The following ARFGEF1 variants were observed in gnomAD, a reference collection of about 807,000 sequenced individuals.
ARFGEF1 encodes the protein brefeldin A-inhibited guanine nucleotide-exchange protein 1.
ARFGEF1 carries 42 observed loss-of-function variants against 231.0 expected under a neutral mutation model. The observed-to-expected ratio is 0.18, with a 90% CI of 0.14 to 0.24. The LOEUF (loss-of-function observed/expected upper bound fraction) is 0.24. ARFGEF1 is among the 10% of genes least tolerant of loss of function. ARFGEF1 has a pLI of 1.00. For synonymous variants in ARFGEF1, 710 were observed against 732.3 expected (o/e 0.97, Z 0.49); for missense variants, 1,345 against 2,192.0 (o/e 0.61, Z 7.72).
intron 34 of ARFGEF1, among the ~76,000 whole-genome samples, chr8:67,205,409 CAA>C (rs548750611): frequency 6.6e-6 from 1 of 152,140 alleles, no homozygotes; most frequent in African/African-American, 2.4e-5. Context: ...TCAGGGAAGC[CAA>C]AAGACTGGAC....
chr8:67,302,594 A>T (rs1176908489), intron 1 of ARFGEF1, 128 bp from the exon 2 acceptor site: 1 of 552,184 alleles, frequency 1.8e-6, no homozygotes, highest in African/African-American at 1.9e-5. Flanking sequence ...TTTAATAAAA[A>T]TTAGATGCTA....
chr8:67,314,781 T>TGGC (rs1807228097), intron 1 of ARFGEF1, among the ~76,000 whole-genome samples: 2 of 151,978 alleles, frequency 1.3e-5, no homozygotes, highest in Non-Finnish European at 2.9e-5. Context: ...AGCTGCAATC[T>TGGC]AATCTGGCCT....
intron 5 of ARFGEF1, among the ~76,000 whole-genome samples, chr8:67,184,335 C>T (rs1273586882): frequency 6.6e-6 from 1 of 152,074 alleles, no homozygotes; most frequent in Non-Finnish European, 1.5e-5. Flanking sequence ...AAATTGAAAA[C>T]AGGAAATAAA....
intron 5 of ARFGEF1, among the ~76,000 whole-genome samples, chr8:67,181,113 C>T (rs1275653069): frequency 1.3e-5 from 2 of 152,006 alleles, no homozygotes; most frequent in Non-Finnish European, 2.9e-5. Context: ...TCATTGCTCA[C>T]TACAGCCTCA....
chr8:67,223,617 C>T (rs1003302132), intron 29 of ARFGEF1, among the ~76,000 whole-genome samples: 5 of 152,126 alleles, frequency 3.3e-5, no homozygotes, highest in Non-Finnish European at 1.5e-5. Flanking sequence ...CACACACAAC[C>T]TCTTTAACAA....
At chr8:67,265,377 A>C (rs554507524) in intron 14 of ARFGEF1, among the ~76,000 whole-genome samples, 1 of 152,272 alleles carries the variant, frequency 6.6e-6, no homozygotes, top group South Asian at 2.1e-4. Context: ...GACGGCAAAC[A>C]ATTTCATTTT....
chr8:67,311,768 T>C (rs1348388877), intron 1 of ARFGEF1, among the ~76,000 whole-genome samples: 2 of 152,168 alleles, frequency 1.3e-5, no homozygotes, highest in Non-Finnish European at 2.9e-5. Flanking sequence ...CGGGCCAGGA[T>C]GACAATGGCG....
At chr8:67,250,683 A>G (rs1840255091) in intron 19 of ARFGEF1, among the ~76,000 whole-genome samples, 1 of 152,166 alleles carries the variant, frequency 6.6e-6, no homozygotes, top group African/African-American at 2.4e-5. Flanking sequence ...TACTTTACCC[A>G]CTTCCTCTTT....
At chr8:67,312,208 G>A (rs181382568) in intron 1 of ARFGEF1, among the ~76,000 whole-genome samples, 2 of 147,288 alleles carry the variant, frequency 1.4e-5, no homozygotes, top group Non-Finnish European at 3.0e-5. Flanking sequence ...ATCCCCCTCT[G>A]TGAGAAACAC....
rs534393209 is a variant in ARFGEF1, at chr8:67,206,108, T to C, written c.4820-1289A>G. Among the ~76,000 whole-genome samples the C allele has an allele frequency of 4.0e-5, 6 of 151,670 alleles. No individual in the cohort carries two copies. In the East Asian group the frequency reaches 1.2e-3, roughly 30 times the overall value. Reference sequence around the variant, plus strand: ...TCAAAGACATCCATCAGCAAAGAAGTCTATAAAAAGTTAAGCCGGGGCCGG... The same window carrying C: ...TCAAAGACATCCATCAGCAAAGAAGCCTATAAAAAGTTAAGCCGGGGCCGG... On this transcript the variant is annotated intron_variant, in intron 34 of 38. Coordinates refer to ENST00000262215, the MANE Select transcript of ARFGEF1 (RefSeq NM_006421.5).
downstream of ARFGEF1, among the ~76,000 whole-genome samples, chr8:67,196,576 T>C (rs1212758479): frequency 6.6e-6 from 1 of 152,220 alleles, no homozygotes; most frequent in East Asian, 1.9e-4. Context: ...GTAGACAATA[T>C]CAGACAAATT....
At chr8:67,326,389 C>T (rs552002243) in intron 1 of ARFGEF1, among the ~76,000 whole-genome samples, 1 of 152,124 alleles carries the variant, frequency 6.6e-6, no homozygotes, top group South Asian at 2.1e-4. Flanking sequence ...TGGTTAACAC[C>T]GGGCTTTCTA....
At chr8:67,183,534 C>T (rs1398130218) in intron 5 of ARFGEF1, among the ~76,000 whole-genome samples, 1 of 152,040 alleles carries the variant, frequency 6.6e-6, no homozygotes, top group Non-Finnish European at 1.5e-5. Context: ...GATTAAATGC[C>T]ACATTTCTAA....
chr8:67,341,823 T>A (rs1442438713), intron 1 of ARFGEF1, among the ~76,000 whole-genome samples: 2 of 152,180 alleles, frequency 1.3e-5, no homozygotes, highest in Non-Finnish European at 2.9e-5. Context: ...TTTTGTTAGC[T>A]ACAAAAATAA....
At chr8:67,258,524 C>T (rs1297303510) in intron 15 of ARFGEF1, among the ~76,000 whole-genome samples, 1 of 152,004 alleles carries the variant, frequency 6.6e-6, no homozygotes, top group Non-Finnish European at 1.5e-5. Context: ...GACAGGGTTT[C>T]ACCATCTTGG....
chr8:67,325,616 A>G (rs778942379), intron 1 of ARFGEF1, among the ~76,000 whole-genome samples: 2 of 152,220 alleles, frequency 1.3e-5, no homozygotes, highest in Non-Finnish European at 2.9e-5. Context: ...GTTGAAGGCA[A>G]GAAAGCTCTC....
At chr8:67,282,517 C>A (rs1805576489) in intron 7 of ARFGEF1, among the ~76,000 whole-genome samples, 1 of 152,072 alleles carries the variant, frequency 6.6e-6, no homozygotes, top group African/African-American at 2.4e-5. Context: ...AAAAGATAAT[C>A]TTAAAAATTT....
chr8:67,274,019 C>T (rs1319944520), intron 9 of ARFGEF1, among the ~76,000 whole-genome samples: 1 of 152,014 alleles, frequency 6.6e-6, no homozygotes, highest in African/African-American at 2.4e-5. Flanking sequence ...GTACACTGTA[C>T]ATGCTAAAAA....
At chr8:67,260,596 T>C (rs1804575389) in intron 14 of ARFGEF1, among the ~76,000 whole-genome samples, 1 of 152,206 alleles carries the variant, frequency 6.6e-6, no homozygotes, top group South Asian at 2.1e-4. Context: ...CTCCACTGAC[T>C]GGCTCATCTC....
Sources: gnomAD v4.1 joint callset for allele counts (sites outside exome capture counted in the v4.1 genomes callset) on GRCh38, gnomAD v4.1.1 for gene constraint, MANE v1.5 for transcripts, NCBI Gene and HGNC (gene_info 2026-07-23, HGNC 2026-07-21) for gene names.